The following PTPRR variants were observed in gnomAD, a reference collection of about 807,000 sequenced individuals.
PTPRR encodes the protein protein tyrosine phosphatase receptor type R.
Under a neutral mutation model 77.2 loss-of-function variants are expected in PTPRR, and 38 were observed. That is an observed-to-expected ratio of 0.49 (90% CI 0.38 to 0.65). PTPRR has a LOEUF of 0.65. Ranked by LOEUF, PTPRR falls within the 30% of genes least tolerant of loss-of-function variation. The pLI, the probability that PTPRR is intolerant of heterozygous loss-of-function variation, is 0.00. For missense variants in PTPRR, 744 were observed against 799.2 expected (o/e 0.93, Z 0.83); for synonymous variants, 299 against 283.1 (o/e 1.06, Z -0.57).
intron 1 of PTPRR, among the ~76,000 whole-genome samples, chr12:70,897,558 G>T (rs1289669826): frequency 6.6e-6 from 1 of 151,918 alleles, no homozygotes; most frequent in African/African-American, 2.4e-5. Flanking sequence ...CTGTTGGTGG[G>T]ACTGTAAATT....
intron 2 of PTPRR, among the ~76,000 whole-genome samples, chr12:70,816,100 A>T (rs1465971237): frequency 2.0e-5 from 3 of 152,164 alleles, no homozygotes; most frequent in African/African-American, 7.2e-5. Context: ...ATAGTTTTCC[A>T]TTTAGTCACC....
chr12:70,821,213 C>CCTTTTTTTTTTTTTTTTTT (rs1892002811), intron 2 of PTPRR, among the ~76,000 whole-genome samples: 1 of 31,970 alleles, frequency 3.1e-5, no homozygotes, highest in Non-Finnish European at 6.1e-5. Context: ...GGGATCACTG[C>CCTTTTTTTTTTTTTTTTTT]TTTTTTTTTT....
intron 2 of PTPRR, among the ~76,000 whole-genome samples, chr12:70,865,631 AACCCATGT>A (rs1356432351): frequency 6.6e-6 from 1 of 152,222 alleles, no homozygotes; most frequent in South Asian, 2.1e-4. Context: ...GCTTCGTCTG[AACCCATGT>A]GGATTAACTC....
intron 2 of PTPRR, among the ~76,000 whole-genome samples, chr12:70,766,494 C>T (rs1240337362): frequency 6.6e-6 from 1 of 152,038 alleles, no homozygotes; most frequent in Non-Finnish European, 1.5e-5. Flanking sequence ...AACAAAGCCT[C>T]CAAGAAATAT....
intron 1 of PTPRR, among the ~76,000 whole-genome samples, chr12:70,903,194 G>T (rs764546155): frequency 3.2e-4 from 48 of 151,626 alleles, no homozygotes; most frequent in Non-Finnish European, 5.5e-4. Flanking sequence ...TGCACAGCAG[G>T]GTGACTATAG....
rs139871683 is a variant in PTPRR, at chr12:70,786,350, G to A, written c.358-21572C>T. 9.7e-4 allele frequency among the ~76,000 whole-genome samples: 148 copies of A among 152,166 alleles called. 1 individual carries two copies. The highest frequency in any genetic ancestry group is 3.5e-3 in the African/African-American group (146 of 41,516). ...AAATAATAATCCTTCAGCCCCCAAC[G>A]ACTTTGCATTCTAGTCATAAACTGA... On this transcript the variant is annotated intron_variant, in intron 2 of 13. Transcript: ENST00000283228.
chr12:70,873,001 AG>A (rs1892988128), intron 2 of PTPRR, among the ~76,000 whole-genome samples: 1 of 152,246 alleles, frequency 6.6e-6, no homozygotes, highest in South Asian at 2.1e-4. Context: ...TGAGGGAAAC[AG>A]AACTGATATT....
At chr12:70,672,106 C>G (rs1300925149) in intron 10 of PTPRR, 23 of 1,390,544 alleles carry the variant, frequency 1.7e-5, no homozygotes, top group Non-Finnish European at 3.0e-6. Context: ...CTATGCTCCC[C>G]AAAATGATGA....
chr12:70,719,741 A>G (rs537500817), intron 6 of PTPRR, among the ~76,000 whole-genome samples: 2 of 152,172 alleles, frequency 1.3e-5, no homozygotes, highest in African/African-American at 4.8e-5. Flanking sequence ...CTGAACCCAC[A>G]GTGACTGCGC....
intron 2 of PTPRR, among the ~76,000 whole-genome samples, chr12:70,769,704 C>T (rs1372409160): frequency 6.6e-6 from 1 of 151,914 alleles, no homozygotes; most frequent in East Asian, 1.9e-4. Context: ...ATCACCAAGT[C>T]AATCCTAAGC....
intron 2 of PTPRR, among the ~76,000 whole-genome samples, chr12:70,851,824 C>G (rs1892576257): frequency 6.6e-6 from 1 of 152,230 alleles, no homozygotes; most frequent in East Asian, 1.9e-4. Context: ...GAAGTACACG[C>G]TGGAATTATG....
chr12:70,784,604 G>A (rs1189927754), intron 2 of PTPRR, among the ~76,000 whole-genome samples: 1 of 152,224 alleles, frequency 6.6e-6, no homozygotes, highest in East Asian at 1.9e-4. Context: ...TGCAGCGGCC[G>A]GCATGATGGC....
chr12:70,794,124 C>T (rs1300816226), intron 2 of PTPRR, among the ~76,000 whole-genome samples: 1 of 152,064 alleles, frequency 6.6e-6, no homozygotes, highest in Admixed American at 6.6e-5. Flanking sequence ...TCTAGAATCC[C>T]CCCCATAGAC....
chr12:70,832,396 A>T (rs935693421), intron 2 of PTPRR, among the ~76,000 whole-genome samples: 3 of 152,196 alleles, frequency 2.0e-5, no homozygotes, highest in African/African-American at 7.2e-5. Flanking sequence ...TGATTTTTAA[A>T]TGCTATCTTA....
At chr12:70,830,740 G>A (rs973035555) in intron 2 of PTPRR, among the ~76,000 whole-genome samples, 17 of 152,172 alleles carry the variant, frequency 1.1e-4, no homozygotes, top group African/African-American at 3.6e-4. Flanking sequence ...CTTTGGGCAG[G>A]GATATGATCT....
At position 70,764,689 on chromosome 12, in the gene PTPRR, C is replaced by T; in HGVS notation, c.447G>A (p.Gln149=). ...CAATGAGGCGATTGATGTGCACTTG[C>T]TGGGGTAAGAGTCCTAAAGCTGCAG... ...GVAAALGLLP[Q]QVHINRLIGK... is the part of the protein sequence containing the mutation. Residue 149 remains glutamine (Q), a synonymous_variant, in exon 3 of 14, where the codon CAG becomes CAA. Transcript: ENST00000283228. The T allele has an allele frequency of 6.2e-7, 1 of 1,613,702 alleles. No individual in the cohort carries two copies. The highest frequency in any genetic ancestry group is 8.5e-7 in the Non-Finnish European group (1 of 1,179,674).
At position 70,677,951 on chromosome 12, in the gene PTPRR, T is replaced by A. The variant is rs181387112; in HGVS notation, c.1497+6176A>T. Among the ~76,000 whole-genome samples, 180 of 152,302 alleles carry A rather than the reference T, an allele frequency of 1.2e-3. 1 individual carries two copies. Among genetic ancestry groups the A allele is most frequent in the African/African-American group, 3.7e-3 (154 of 41,552 alleles). Reference sequence around the variant, plus strand: ...TTGGATATGTTCTCTCCTCTTTAATTTTCTTGAATAGTTTGAGGAGAATTG... The same window carrying A: ...TTGGATATGTTCTCTCCTCTTTAATATTCTTGAATAGTTTGAGGAGAATTG... On this transcript the variant is annotated intron_variant, in intron 10 of 13. Transcript: ENST00000283228.
chr12:70,743,071 G>A (rs1380271724), intron 6 of PTPRR, among the ~76,000 whole-genome samples: 1 of 152,174 alleles, frequency 6.6e-6, no homozygotes, highest in East Asian at 1.9e-4. Flanking sequence ...TCACTAAAAG[G>A]TGGTAAGATA....
At chr12:70,708,957 T>TTATCC (rs1467483113) in intron 6 of PTPRR, among the ~76,000 whole-genome samples, 1 of 151,956 alleles carries the variant, frequency 6.6e-6, no homozygotes, top group African/African-American at 2.4e-5. Flanking sequence ...ATATATTCAT[T>TTATCC]TATTTGTAAG....
Sources: gnomAD v4.1 joint callset for allele counts (sites outside exome capture counted in the v4.1 genomes callset) on GRCh38, gnomAD v4.1.1 for gene constraint, MANE v1.5 for transcripts, NCBI Gene and HGNC (gene_info 2026-07-23, HGNC 2026-07-21) for gene names.